Variants in LRRC20 observed in about 807,000 individuals in gnomAD.
The protein encoded by LRRC20 is leucine-rich repeat-containing protein 20.
LRRC20 carries 11 observed loss-of-function variants against 14.4 expected under a neutral mutation model. The ratio of observed to expected loss-of-function variants is 0.77; its 90% CI spans 0.48 to 1.27. The LOEUF is 1.27. Ranked by LOEUF, LRRC20 falls within the 50% of genes most tolerant of loss-of-function variation. LRRC20 has a pLI of 0.00. For synonymous variants in LRRC20, 121 were observed against 107.3 expected (o/e 1.13, Z -0.79); for missense variants, 219 against 251.2 (o/e 0.87, Z 0.87).
chr10:70,365,801 T>G (rs1010887730), intron 2 of LRRC20, among the ~76,000 whole-genome samples: 14 of 152,194 alleles, frequency 9.2e-5, no homozygotes, highest in Non-Finnish European at 2.9e-5. Context: ...CCGGGTGTGG[T>G]GGCTCACGCC....
At chr10:70,345,035 A>G (rs1157410508) in intron 2 of LRRC20, among the ~76,000 whole-genome samples, 1 of 152,314 alleles carries the variant, frequency 6.6e-6, no homozygotes, top group South Asian at 2.1e-4. Flanking sequence ...TAAGTTAACT[A>G]AATGGTTTTA....
At chr10:70,334,521 T>G (rs1310997721) in intron 3 of LRRC20, among the ~76,000 whole-genome samples, 1 of 152,110 alleles carries the variant, frequency 6.6e-6, no homozygotes, top group African/African-American at 2.4e-5. Flanking sequence ...TGTGGGGCAC[T>G]GACATACACT....
chr10:70,304,653 C>T (rs1415658254), intron 4 of LRRC20, among the ~76,000 whole-genome samples: 1 of 151,754 alleles, frequency 6.6e-6, no homozygotes, highest in African/African-American at 2.4e-5. Flanking sequence ...CAACCAATCT[C>T]CAGAACTCGA....
At chr10:70,348,228 G>A (rs1382614199) in intron 2 of LRRC20, among the ~76,000 whole-genome samples, 2 of 152,086 alleles carry the variant, frequency 1.3e-5, no homozygotes, top group African/African-American at 4.8e-5. Flanking sequence ...GCTGGGATGT[G>A]ATGCAAACAC....
At chr10:70,359,945 C>A (rs892285087) in intron 2 of LRRC20, among the ~76,000 whole-genome samples, 2 of 146,052 alleles carry the variant, frequency 1.4e-5, no homozygotes, top group South Asian at 2.1e-4. Flanking sequence ...GAGGTGGAGT[C>A]TCCCTCTGTT....
At chr10:70,309,297 T>C (rs1197108201) in intron 4 of LRRC20, among the ~76,000 whole-genome samples, 1 of 152,222 alleles carries the variant, frequency 6.6e-6, no homozygotes, top group Non-Finnish European at 1.5e-5. Context: ...TGGGAACTGA[T>C]GTTTGAGGCC....
chr10:70,379,593 C>T (rs1002419377), intron 1 of LRRC20, among the ~76,000 whole-genome samples: 3 of 152,162 alleles, frequency 2.0e-5, no homozygotes, highest in Non-Finnish European at 2.9e-5. Context: ...CTCCGACTTG[C>T]GATTCTGATG....
intron 2 of LRRC20, among the ~76,000 whole-genome samples, chr10:70,357,048 G>C (rs762082899): frequency 6.6e-6 from 1 of 152,198 alleles, no homozygotes; most frequent in Non-Finnish European, 1.5e-5. Context: ...CCTGACATGG[G>C]CTGCAACATG....
chr10:70,372,940 T>A (rs1373247464), intron 2 of LRRC20, among the ~76,000 whole-genome samples: 1 of 137,464 alleles, frequency 7.3e-6, no homozygotes. Context: ...CCATCTCTAC[T>A]AAAAAAAAAA....
intron 2 of LRRC20, among the ~76,000 whole-genome samples, chr10:70,375,699 G>A (rs780943868): frequency 1.6e-4 from 25 of 152,148 alleles, no homozygotes; most frequent in Non-Finnish European, 2.6e-4. Flanking sequence ...CTACAGTGGT[G>A]CCTGCATTCC....
chr10:70,374,037 G>A (rs1020295453), intron 2 of LRRC20, among the ~76,000 whole-genome samples: 6 of 152,172 alleles, frequency 3.9e-5, no homozygotes, highest in African/African-American at 1.4e-4. Context: ...AGTCCACAGA[G>A]GTTGAAGTTC....
chr10:70,372,872 G>A (rs1189797126), intron 2 of LRRC20, among the ~76,000 whole-genome samples: 8 of 151,898 alleles, frequency 5.3e-5, no homozygotes, highest in African/African-American at 1.2e-4. Context: ...GGAGGCTGAG[G>A]CAGGTAGATC....
chr10:70,310,400 C>T (rs1196651582), intron 4 of LRRC20, among the ~76,000 whole-genome samples: 2 of 152,184 alleles, frequency 1.3e-5, no homozygotes, highest in Non-Finnish European at 2.9e-5. Context: ...GGGACCTCCG[C>T]TTTGCCTTCA....
At chr10:70,340,485 A>T in intron 3 of LRRC20, 68 bp downstream of exon 3, 1 of 1,591,016 alleles carries the variant, frequency 6.3e-7, no homozygotes, top group Non-Finnish European at 8.6e-7. Context: ...GGCACTCCCC[A>T]GACAGGGTCA....
At chr10:70,349,332 T>G (rs1384899687) in intron 2 of LRRC20, among the ~76,000 whole-genome samples, 1 of 152,042 alleles carries the variant, frequency 6.6e-6, no homozygotes, top group Non-Finnish European at 1.5e-5. Context: ...AATCCCAGCA[T>G]TTTGGGAGGC....
intron 2 of LRRC20, among the ~76,000 whole-genome samples, chr10:70,375,839 T>C (rs977370592): frequency 6.6e-6 from 1 of 152,160 alleles, no homozygotes; most frequent in African/African-American, 2.4e-5. Flanking sequence ...AGTCAATAAG[T>C]ATCTGCTGAA....
At chr10:70,322,768 A>G (rs879708185) in intron 4 of LRRC20, among the ~76,000 whole-genome samples, 1 of 151,916 alleles carries the variant, frequency 6.6e-6, no homozygotes, top group Non-Finnish European at 1.5e-5. Context: ...AACCCGATGC[A>G]CTCTCATGAT....
At chr10:70,353,724 G>A (rs1450606095) in intron 2 of LRRC20, among the ~76,000 whole-genome samples, 5 of 152,210 alleles carry the variant, frequency 3.3e-5, no homozygotes, top group Non-Finnish European at 5.9e-5. Context: ...ACAGAGCCAG[G>A]AGTCTTGGTT....
chr10:70,371,084 A>T lies in LRRC20; in HGVS notation c.82+5368T>A, dbSNP rs545487737. 2.7e-5 allele frequency among the ~76,000 whole-genome samples: 4 copies of T among 150,548 alleles called. No individual in the cohort carries two copies. The South Asian group carries it at 8.4e-4, about 32-fold the overall frequency. On this transcript the variant is annotated intron_variant, in intron 2 of 4. Coordinates refer to ENST00000446961, the MANE Select transcript of LRRC20 (RefSeq NM_001278212.2). ...AAATAAGATTATTCCCTTAAATCAG[A>T]TTTTTTTTTTCAGTAAGAAGCAAAA... is the stretch of plus-strand genomic sequence containing the variant.
Sources: gnomAD v4.1 joint callset for allele counts (sites outside exome capture counted in the v4.1 genomes callset) on GRCh38, gnomAD v4.1.1 for gene constraint, MANE v1.5 for transcripts, NCBI Gene and HGNC (gene_info 2026-07-23, HGNC 2026-07-21) for gene names.